Variants in UST observed in about 807,000 individuals in gnomAD.
The protein encoded by UST is uronyl 2-sulfotransferase, also known as chondroitin sulfate 2-O-sulfotransferase.
UST carries 21 observed loss-of-function variants against 45.6 expected under a neutral mutation model. That is an observed-to-expected ratio of 0.46 (90% CI 0.33 to 0.66). The LOEUF (loss-of-function observed/expected upper bound fraction) is 0.66, where lower values mean the gene tolerates loss of function less well. Among genes scored for constraint, UST ranks in the 30% least tolerant of loss-of-function variants. The pLI, the probability that UST is intolerant of heterozygous loss-of-function variation, is 0.02. For missense variants in UST, 463 were observed against 512.4 expected (o/e 0.90, Z 0.93); for synonymous variants, 215 against 200.6 (o/e 1.07, Z -0.61).
chr6:148,826,536 T>C (rs1777570527), intron 1 of UST, among the ~76,000 whole-genome samples: 1 of 152,248 alleles, frequency 6.6e-6, no homozygotes, highest in Non-Finnish European at 1.5e-5. Context: ...TTCACAGTTT[T>C]GTTCTTCTTT....
At chr6:148,880,299 A>G in intron 1 of UST, among the ~76,000 whole-genome samples, 1 of 152,206 alleles carries the variant, frequency 6.6e-6, no homozygotes, top group East Asian at 1.9e-4. Flanking sequence ...TAGAAGACTT[A>G]GGTGGTCTTG....
At chr6:148,951,415 C>T (rs1035991339) in intron 3 of UST, among the ~76,000 whole-genome samples, 6 of 152,082 alleles carry the variant, frequency 3.9e-5, no homozygotes, top group African/African-American at 1.2e-4. Flanking sequence ...CCATCTTATT[C>T]GTGTTTTTAT....
rs138566951 is a variant in UST, at chr6:148,790,119, G to A, written c.247+42442G>A. On this transcript the variant is annotated intron_variant, in intron 1 of 7. Transcript: ENST00000367463. This position sits in a 1 kb window ranked among gnomAD's most constrained non-coding sequence, Gnocchi z 4.2. ...CTATCGTAGTTATCCTTGCAGCGGT[G>A]TCAGACTTTAGCTGCTTCCTGTAGC... Among the ~76,000 whole-genome samples, 149 of 151,624 alleles carry A rather than the reference G, an allele frequency of 9.8e-4. No homozygotes were observed. The highest frequency in any genetic ancestry group is 3.5e-3 in the African/African-American group (143 of 41,292).
At chr6:149,011,105 T>G (rs1775802715) in intron 5 of UST, among the ~76,000 whole-genome samples, 2 of 152,070 alleles carry the variant, frequency 1.3e-5, no homozygotes, top group Non-Finnish European at 2.9e-5. Context: ...AAAATAAATG[T>G]AGATATGCCG....
intron 1 of UST, among the ~76,000 whole-genome samples, chr6:148,807,103 T>G (rs1255926826): frequency 6.6e-6 from 1 of 152,074 alleles, no homozygotes; most frequent in Non-Finnish European, 1.5e-5. Context: ...TATAAAGGAG[T>G]GGAGCGAAGG....
At chr6:149,012,098 C>T (rs146960040) in intron 5 of UST, among the ~76,000 whole-genome samples, 1 of 152,292 alleles carries the variant, frequency 6.6e-6, no homozygotes, top group East Asian at 1.9e-4. Context: ...GGGAGAGCAA[C>T]GTGCTTCTCT....
chr6:149,035,757 C>T, intron 7 of UST, among the ~76,000 whole-genome samples: 1 of 112,298 alleles, frequency 8.9e-6, no homozygotes, highest in East Asian at 2.1e-4. Flanking sequence ...CAGAGTAAGA[C>T]CCCATCTTTA....
chr6:148,964,338 G>C, intron 4 of UST, 72 bp from the exon 5 acceptor site: 1 of 1,564,548 alleles, frequency 6.4e-7, no homozygotes, highest in East Asian at 2.3e-5. Context: ...GAGGGAAGGG[G>C]AGATGTTGTC....
intron 2 of UST, among the ~76,000 whole-genome samples, chr6:148,926,366 T>C (rs1422904557): frequency 4.6e-5 from 7 of 152,220 alleles, no homozygotes; most frequent in African/African-American, 1.7e-4. Context: ...CAGAAATGCA[T>C]TGGGCTAACA....
intron 5 of UST, among the ~76,000 whole-genome samples, chr6:148,980,421 C>T (rs1337775915): frequency 1.3e-5 from 2 of 152,212 alleles, no homozygotes; most frequent in African/African-American, 4.8e-5. Context: ...TTCTCCCTCT[C>T]TTTCAGCTTT....
intron 7 of UST, among the ~76,000 whole-genome samples, chr6:149,043,846 C>A (rs1363305541): frequency 6.6e-6 from 1 of 152,240 alleles, no homozygotes; most frequent in South Asian, 2.1e-4. Context: ...AGGGCATGTG[C>A]GTTGGTTCCT....
At chr6:148,889,893 G>T (rs1778982828) in intron 2 of UST, among the ~76,000 whole-genome samples, 1 of 150,968 alleles carries the variant, frequency 6.6e-6, no homozygotes, top group African/African-American at 2.4e-5. Flanking sequence ...CCTACAGTCT[G>T]GTCTTCAACT....
intron 1 of UST, among the ~76,000 whole-genome samples, chr6:148,833,446 G>A (rs146751971): frequency 3.9e-5 from 6 of 152,068 alleles, no homozygotes; most frequent in African/African-American, 1.4e-4. Flanking sequence ...GAGATCGTGC[G>A]ACTGCACTCC....
chr6:148,748,400 TGTGTG>T lies in UST; in HGVS notation c.247+724_247+728del, dbSNP rs1314306711. The stretch of plus-strand genomic sequence containing the variant: ...TGCGTCTCAAGCTCAAGTCAAAACT[TGTGTG>T]TGTGTGTGTGTGTGTGTGTGTGTGT... On this transcript the variant is annotated intron_variant, in intron 1 of 7. Coordinates refer to ENST00000367463, the MANE Select transcript of UST (RefSeq NM_005715.3). The surrounding 1 kb of genome is among the most constrained non-coding windows in gnomAD (Gnocchi z 5.3). Among the ~76,000 whole-genome samples the T allele has an allele frequency of 7.5e-4, 2 of 2,656 alleles. No homozygotes were observed. The highest frequency in any genetic ancestry group is 1.8e-3 in the Non-Finnish European group (2 of 1,140). 1.7% of individuals were successfully genotyped at this position (2,656 alleles called of 152,430 possible).
intron 1 of UST, among the ~76,000 whole-genome samples, chr6:148,819,213 C>A (rs1777410888): frequency 6.6e-6 from 1 of 152,046 alleles, no homozygotes; most frequent in African/African-American, 2.4e-5. Flanking sequence ...TATTACTGAT[C>A]CTGTTAGCAG....
chr6:148,964,951 C>T (rs1169073058), intron 5 of UST, among the ~76,000 whole-genome samples: 3 of 152,098 alleles, frequency 2.0e-5, no homozygotes, highest in African/African-American at 7.2e-5. Context: ...ATTCAGTTCC[C>T]ATGACCACTC....
intron 7 of UST, among the ~76,000 whole-genome samples, 191 bp downstream of exon 7, chr6:149,021,672 A>G (rs1418497297): frequency 1.3e-5 from 2 of 152,268 alleles, no homozygotes; most frequent in East Asian, 3.8e-4. Flanking sequence ...CTTCATGTTC[A>G]GACATAAAAG....
In UST at chr6:148,925,423, C is replaced by A. The variant is rs183887646; in HGVS notation, c.292-15856C>A. Among the ~76,000 whole-genome samples the A allele has an allele frequency of 2.8e-3, 400 of 145,078 alleles. 2 individuals are homozygous for A. Among genetic ancestry groups the A allele is most frequent in the Non-Finnish European group, 4.4e-3 (296 of 66,784 alleles). On this transcript the variant is annotated intron_variant, in intron 2 of 7. Coordinates refer to ENST00000367463, the MANE Select transcript of UST (RefSeq NM_005715.3). ...ATGAAGGACTTGCAACTCACAATGA[C>A]TTTTAAACTTTCTACAAAAAAAAAG...
Position 148,949,292 on chromosome 6 carries a change from A to AAATAATAAT in UST, c.448-4545_448-4537dup, listed in dbSNP as rs56946786. On this transcript the variant is annotated intron_variant, in intron 3 of 7. Coordinates refer to ENST00000367463, the MANE Select transcript of UST (RefSeq NM_005715.3). ...GGCAGCAGAGTGAGACTTCGTCTCA[A>AAATAATAAT]AATAATAATAATAATAATAATAATA... Among the ~76,000 whole-genome samples, 266 of 141,356 alleles carry AAATAATAAT rather than the reference A, an allele frequency of 1.9e-3. 2 individuals are homozygous for AAATAATAAT. Among genetic ancestry groups the AAATAATAAT allele is most frequent in the Admixed American group, 4.4e-3 (62 of 14,140 alleles). The allele number at this position is 141,356 out of a possible 152,430, so 92.7% of individuals were successfully genotyped here.
Sources: gnomAD v4.1 joint callset for allele counts (sites outside exome capture counted in the v4.1 genomes callset) on GRCh38, gnomAD v4.1.1 for gene constraint, Gnocchi (gnomAD v3.1) non-coding constraint, MANE v1.5 for transcripts, NCBI Gene and HGNC (gene_info 2026-07-23, HGNC 2026-07-21) for gene names.